Variants in NCOA1 observed in about 807,000 individuals in gnomAD.
NCOA1 encodes Hin-2 protein.
NCOA1 carries 35 observed loss-of-function variants against 150.9 expected under a neutral mutation model. The ratio of observed to expected loss-of-function variants is 0.23; its 90% confidence interval spans 0.18 to 0.31. The LOEUF (loss-of-function observed/expected upper bound fraction) is 0.31. Among genes scored for constraint, NCOA1 ranks in the 10% least tolerant of loss-of-function variants. The pLI is 1.00. For synonymous variants in NCOA1, 590 were observed against 630.0 expected, an observed-to-expected ratio of 0.94 and a Z score of 0.95; for missense variants, 1,491 against 1,749.3, an observed-to-expected ratio of 0.85 and a Z score of 2.63.
intron 1 of NCOA1, among the ~76,000 whole-genome samples, chr2:24,523,727 A>G (rs1442383238): frequency 4.0e-5 from 6 of 149,872 alleles, no homozygotes. Flanking sequence ...AGAGATCGAG[A>G]CCATCCTGGC....
chr2:24,740,964 C>T (rs1342372343), intron 18 of NCOA1, among the ~76,000 whole-genome samples: 2 of 152,166 alleles, frequency 1.3e-5, no homozygotes, highest in African/African-American at 4.8e-5. Context: ...CTTCTTTCCT[C>T]ATCCATAATA....
intron 20 of NCOA1, among the ~76,000 whole-genome samples, chr2:24,755,750 C>G (rs1023709770): frequency 6.6e-6 from 1 of 152,140 alleles, no homozygotes; most frequent in Non-Finnish European, 1.5e-5. Flanking sequence ...AGAACTTAAA[C>G]TAATATACAG....
intron 1 of NCOA1, among the ~76,000 whole-genome samples, chr2:24,510,699 C>G (rs1300084749): frequency 2.0e-5 from 3 of 147,332 alleles, no homozygotes; most frequent in African/African-American, 7.3e-5. Flanking sequence ...ATCAGAAAGC[C>G]TTAGGGCTTG....
rs540281692 is a variant in NCOA1 at position 24,768,643 on chromosome 2, A to G, written c.*252A>G. 4.2e-5 allele frequency: 12 copies of G among 286,228 alleles called. No individual in the cohort carries two copies. Among genetic ancestry groups the G allele is most frequent in the South Asian group, 1.5e-4 (1 of 6,874 alleles). The allele number at this position is 286,228 out of a possible 1,614,324, so 17.7% of individuals were successfully genotyped here. On this transcript the variant is annotated 3_prime_UTR_variant, in exon 23 of 23. Coordinates refer to ENST00000348332, the MANE Select transcript of NCOA1 (RefSeq NM_003743.5). ...CCAAGGCAGAACAGTTGGACAATCTATTTCTTGAGCCAAATTTAATTATTC... is the reference window on the plus strand; with the variant it reads ...CCAAGGCAGAACAGTTGGACAATCTGTTTCTTGAGCCAAATTTAATTATTC...
chr2:24,682,780 C>G (rs1223697682), intron 7 of NCOA1, among the ~76,000 whole-genome samples, 171 bp from the exon 8 acceptor site: 1 of 145,864 alleles, frequency 6.9e-6, no homozygotes, highest in Non-Finnish European at 1.5e-5. Context: ...CATTTTATCA[C>G]TGATATTTTA....
chr2:24,638,597 A>G (rs867897402), intron 3 of NCOA1, among the ~76,000 whole-genome samples: 2 of 152,144 alleles, frequency 1.3e-5, no homozygotes, highest in African/African-American at 4.8e-5. Flanking sequence ...ACTGGTTTAC[A>G]TTCCCACCAA....
At chr2:24,691,341 A>G (rs1558290593) in intron 8 of NCOA1, 140 bp from the exon 9 acceptor site, 2 of 668,710 alleles carry the variant, frequency 3.0e-6, no homozygotes, top group African/African-American at 1.8e-5. Context: ...CCTCAGGATA[A>G]TGTTAGATCT....
intron 3 of NCOA1, among the ~76,000 whole-genome samples, chr2:24,603,055 G>T (rs1668200146): frequency 6.6e-6 from 1 of 152,124 alleles, no homozygotes; most frequent in South Asian, 2.1e-4. Context: ...TTCAGTTCCA[G>T]ACTACCACAA....
intron 3 of NCOA1, among the ~76,000 whole-genome samples, chr2:24,629,850 AT>A (rs1254607665): frequency 2.7e-4 from 33 of 123,454 alleles, no homozygotes; most frequent in Non-Finnish European, 4.6e-4. Context: ...ATATATATGT[AT>A]TTTTTTTTTT....
chr2:24,613,350 G>A (rs763162686), intron 3 of NCOA1, among the ~76,000 whole-genome samples: 8 of 152,308 alleles, frequency 5.3e-5, no homozygotes, highest in Admixed American at 1.3e-4. Flanking sequence ...GGGCTGATAC[G>A]TGGAGTGCAC....
chr2:24,650,545 G>A (rs969587291), intron 4 of NCOA1, among the ~76,000 whole-genome samples: 12 of 152,064 alleles, frequency 7.9e-5, no homozygotes, highest in Non-Finnish European at 1.2e-4. Context: ...CTAATACCCC[G>A]AATGTAAAGC....
intron 1 of NCOA1, among the ~76,000 whole-genome samples, chr2:24,537,817 C>A (rs1002601485): frequency 1.3e-5 from 2 of 151,930 alleles, no homozygotes; most frequent in Non-Finnish European, 2.9e-5. Flanking sequence ...CTATATATAT[C>A]TCATAATGTT....
intron 3 of NCOA1, among the ~76,000 whole-genome samples, chr2:24,588,569 C>G (rs1667513802): frequency 4.6e-5 from 7 of 152,136 alleles, no homozygotes; most frequent in Admixed American, 4.6e-4. Context: ...CACTATAAGC[C>G]CTCAGACAAA....
At chr2:24,491,995 G>A (rs1305714764) in intron 1 of NCOA1, 3 of 151,964 alleles carry the variant, frequency 2.0e-5, no homozygotes, top group Non-Finnish European at 4.4e-5. Context: ...GGAGCCGGAA[G>A]TCGGCGCGGG....
intron 3 of NCOA1, among the ~76,000 whole-genome samples, chr2:24,624,855 G>A (rs1669336326): frequency 6.6e-6 from 1 of 152,178 alleles, no homozygotes; most frequent in Non-Finnish European, 1.5e-5. Context: ...AGGAGAGGAG[G>A]AGGAGAAAGA....
chr2:24,570,132 G>A lies in NCOA1; in HGVS notation c.-260+5702G>A, dbSNP rs551252042. On this transcript the variant is annotated intron_variant, in intron 2 of 22. Transcript: ENST00000348332. ...AGAAGTCTTGCTATATAATTTCTGG[G>A]TCCACGTTCAATCATAATATCCAGG... is the stretch of plus-strand genomic sequence containing the variant. Among the ~76,000 whole-genome samples the A allele has an allele frequency of 9.2e-4, 137 of 149,512 alleles. 1 individual carries two copies. Among genetic ancestry groups the A allele is most frequent in the Middle Eastern group, 3.4e-3 (1 of 294 alleles).
At chr2:24,637,533 C>T (rs1376153733) in intron 3 of NCOA1, among the ~76,000 whole-genome samples, 1 of 151,600 alleles carries the variant, frequency 6.6e-6, no homozygotes, top group Non-Finnish European at 1.5e-5. Context: ...GAGTTCATGT[C>T]CTTTGTAGGG....
intron 5 of NCOA1, among the ~76,000 whole-genome samples, chr2:24,663,151 T>A (rs1331565181): frequency 6.6e-6 from 1 of 152,144 alleles, no homozygotes; most frequent in Admixed American, 6.6e-5. Flanking sequence ...ATCCCTGTGA[T>A]CTGATCTGGA....
chr2:24,711,061 T>A lies in NCOA1; in HGVS notation c.2549T>A (p.Leu850Gln), dbSNP rs1454682525. 1 of 1,614,092 alleles carries A rather than the reference T, an allele frequency of 6.2e-7. No homozygotes were observed. The highest frequency in any genetic ancestry group is 1.3e-5 in the African/African-American group (1 of 74,940). ...VTSVTIKSEI[L>Q]PASLQSATAR... ...AGTGTAACCATCAAATCGGAGATCC[T>A]GCCAGCTTCACTTCAGTCCGCCACT... The change falls in exon 14 of 23, where the codon CTG becomes CAG. Residue 850 changes from leucine to glutamine, a missense_variant. By Grantham distance (113) the Leu-to-Gln change is moderately radical. This residue lies in a region of NCOA1 where 703 missense variants were observed against 717.7 expected (regional missense o/e 0.98). Coordinates refer to ENST00000348332, the MANE Select transcript of NCOA1 (RefSeq NM_003743.5).
Sources: gnomAD v4.1 joint callset for allele counts (sites outside exome capture counted in the v4.1 genomes callset) on GRCh38, gnomAD v4.1.1 for gene constraint, gnomAD v4.1.1 regional missense constraint, MANE v1.5 for transcripts, NCBI Gene and HGNC (gene_info 2026-07-23, HGNC 2026-07-21) for gene names.